ANGPT1: variants seen among roughly 807,000 people sequenced by gnomAD.
ANGPT1 encodes angiopoietin 1, also known as angiopoietin-1.
Under a neutral mutation model 62.2 loss-of-function variants are expected in ANGPT1, and 17 were observed. The ratio of observed to expected loss-of-function variants is 0.27; its 90% CI spans 0.19 to 0.41. The LOEUF (loss-of-function observed/expected upper bound fraction) is 0.41. ANGPT1 is among the 10% of genes least tolerant of loss of function. ANGPT1 has a pLI of 1.00. For missense variants in ANGPT1, 478 were observed against 594.9 expected (o/e 0.80, Z 2.04); for synonymous variants, 199 against 198.9 (o/e 1.00, Z 0.00).
intron 1 of ANGPT1, among the ~76,000 whole-genome samples, chr8:107,472,877 T>C (rs953898515): frequency 6.6e-6 from 1 of 152,022 alleles, no homozygotes; most frequent in Non-Finnish European, 1.5e-5. Context: ...TTTATCTTTT[T>C]GTTAAAGAAG....
At chr8:107,485,746 G>A (rs1303466735) in intron 1 of ANGPT1, among the ~76,000 whole-genome samples, 1 of 152,180 alleles carries the variant, frequency 6.6e-6, no homozygotes, top group East Asian at 1.9e-4. Flanking sequence ...GTTCCAGAAT[G>A]CACTTTCACT....
In ANGPT1 at chr8:107,336,152, GT is replaced by G; in HGVS notation, c.572del (p.Asn191ThrfsTer4). 1 of 1,600,362 alleles carries G rather than the reference GT, an allele frequency of 6.2e-7. No homozygotes were observed. Among genetic ancestry groups the G allele is most frequent in the Admixed American group, 1.8e-5 (1 of 56,278 alleles). ...TNEILKIHEKNSLLEHKILEM... is the reference protein window; with the variant it reads ...TNEILKIHEKXSLLEHKILEM... The stretch of plus-strand genomic sequence containing the variant: ...TTTTGGAATAAAGCAATCCTCACCT[GT>G]TTTTTTCATGGATCTTCAAGATTTC... On this transcript the variant is annotated frameshift_variant, in exon 3 of 9. Transcript: ENST00000517746. LOFTEE classifies it high-confidence loss of function.
At chr8:107,432,899 C>A (rs547237880) in intron 1 of ANGPT1, among the ~76,000 whole-genome samples, 22 of 151,996 alleles carry the variant, frequency 1.4e-4, no homozygotes, top group Non-Finnish European at 2.8e-4. Context: ...CTGGTTTAAT[C>A]GTTCTTTTTA....
intron 1 of ANGPT1, among the ~76,000 whole-genome samples, chr8:107,371,531 C>T (rs1816411206): frequency 6.6e-6 from 1 of 150,640 alleles, no homozygotes; most frequent in Non-Finnish European, 1.5e-5. Context: ...AATTGGGCAC[C>T]ATAATCCTTC....
At chr8:107,492,414 C>T (rs1812983820) in intron 1 of ANGPT1, among the ~76,000 whole-genome samples, 1 of 152,190 alleles carries the variant, frequency 6.6e-6, no homozygotes, top group Non-Finnish European at 1.5e-5. Flanking sequence ...CAGCTCACTG[C>T]AACCTCCGCC....
At chr8:107,428,341 A>G (rs551391904) in intron 1 of ANGPT1, among the ~76,000 whole-genome samples, 2 of 152,288 alleles carry the variant, frequency 1.3e-5, no homozygotes, top group East Asian at 3.9e-4. Flanking sequence ...CAAAAGAGCT[A>G]CAAGCTCCAG....
intron 1 of ANGPT1, among the ~76,000 whole-genome samples, chr8:107,495,667 C>T (rs1014036635): frequency 6.6e-6 from 1 of 152,112 alleles, no homozygotes; most frequent in Non-Finnish European, 1.5e-5. Flanking sequence ...ATTGAATTCT[C>T]ACTAAAAACT....
chr8:107,349,231 C>T (rs1292033892), intron 1 of ANGPT1, among the ~76,000 whole-genome samples: 1 of 152,070 alleles, frequency 6.6e-6, no homozygotes, highest in Non-Finnish European at 1.5e-5. Context: ...TCCTTTTGAG[C>T]ACCTGGACCT....
At chr8:107,463,656 T>C (rs1812127085) in intron 1 of ANGPT1, among the ~76,000 whole-genome samples, 2 of 152,054 alleles carry the variant, frequency 1.3e-5, no homozygotes, top group South Asian at 4.1e-4. Context: ...ATTCCCTTAA[T>C]CTTTTTTGAA....
At chr8:107,416,068 T>C (rs1810733259) in intron 1 of ANGPT1, among the ~76,000 whole-genome samples, 1 of 151,894 alleles carries the variant, frequency 6.6e-6, no homozygotes, top group Non-Finnish European at 1.5e-5. Context: ...ATAGAAAACA[T>C]TTTCCCCCAT....
chr8:107,473,606 C>T (rs1388546515), intron 1 of ANGPT1, among the ~76,000 whole-genome samples: 4 of 152,024 alleles, frequency 2.6e-5, no homozygotes, highest in Non-Finnish European at 5.9e-5. Context: ...TAGAGCTTTA[C>T]TTTTTCAGTA....
At chr8:107,381,778 T>C (rs1377342687) in intron 1 of ANGPT1, among the ~76,000 whole-genome samples, 3 of 152,136 alleles carry the variant, frequency 2.0e-5, no homozygotes, top group Non-Finnish European at 4.4e-5. Flanking sequence ...ATGACAGGAA[T>C]TGGAGATGGA....
chr8:107,364,210 T>C (rs2130216312), intron 1 of ANGPT1, among the ~76,000 whole-genome samples: 1 of 152,306 alleles, frequency 6.6e-6, no homozygotes, highest in African/African-American at 2.4e-5. Context: ...CAAGGATGTT[T>C]TTAGTTATAT....
At chr8:107,360,115 G>T (rs1237519990) in intron 1 of ANGPT1, among the ~76,000 whole-genome samples, 2 of 151,998 alleles carry the variant, frequency 1.3e-5, no homozygotes, top group Non-Finnish European at 2.9e-5. Context: ...TAATTCTCTG[G>T]TTTCATAAGA....
chr8:107,422,149 C>G (rs746241174), intron 1 of ANGPT1, among the ~76,000 whole-genome samples: 6 of 152,170 alleles, frequency 3.9e-5, no homozygotes, highest in Non-Finnish European at 8.8e-5. Flanking sequence ...TTACCTTAGT[C>G]TACTGAAAAC....
chr8:107,264,092 A>T, intron 8 of ANGPT1, 129 bp downstream of exon 8: 7 of 1,195,874 alleles, frequency 5.9e-6, no homozygotes, highest in Non-Finnish European at 7.8e-6. Context: ...CGTGGGCAGA[A>T]CAAAATGATC....
intron 1 of ANGPT1, among the ~76,000 whole-genome samples, chr8:107,477,006 C>A (rs1812550938): frequency 6.6e-6 from 1 of 152,192 alleles, no homozygotes; most frequent in African/African-American, 2.4e-5. Flanking sequence ...TCCATAGCAC[C>A]CCAGCTTCCA....
At chr8:107,370,407 A>AGAAAGAAAGAAAGAAAGAAGGAAAGGAAG (rs149930759) in intron 1 of ANGPT1, among the ~76,000 whole-genome samples, 1 of 71,940 alleles carries the variant, frequency 1.4e-5, no homozygotes, top group Admixed American at 1.4e-4. Context: ...AAAGAAAGAA[A>AGAAAGAAAGAAAGAAAGAAGGAAAGGAAG]GAGTCAGGGT....
chr8:107,441,871 G>A (rs911610742), intron 1 of ANGPT1, among the ~76,000 whole-genome samples: 2 of 152,118 alleles, frequency 1.3e-5, no homozygotes, highest in Non-Finnish European at 2.9e-5. Context: ...AGATCACGAG[G>A]TCAGGAGTTC....
Sources: allele counts gnomAD v4.1 joint callset (sites outside exome capture counted in the v4.1 genomes callset), GRCh38; gene constraint gnomAD v4.1.1; transcripts MANE v1.5; gene names NCBI Gene and HGNC (gene_info 2026-07-23, HGNC 2026-07-21).